Variants in MYT1L observed in about 807,000 individuals in gnomAD.
MYT1L encodes myelin transcription factor 1 like, also known as myelin transcription factor 1-like protein.
A neutral mutation model predicts 126.7 loss-of-function variants in MYT1L; 12 were observed. The observed-to-expected ratio is 0.09, with a 90% CI of 0.06 to 0.15. The LOEUF (loss-of-function observed/expected upper bound fraction) is 0.15. Ranked by LOEUF, MYT1L falls within the 10% of genes least tolerant of loss-of-function variation. The probability of loss-of-function intolerance (pLI) is 1.00; values close to 1 mark genes in which losing one functional copy is unlikely to be tolerated. For synonymous variants in MYT1L, 541 were observed against 604.2 expected, an observed-to-expected ratio of 0.90 and a Z score of 1.53; for missense variants, 979 against 1,585.2, an observed-to-expected ratio of 0.62 and a Z score of 6.49.
intron 9 of MYT1L, among the ~76,000 whole-genome samples, chr2:1,932,096 GTAA>G (rs1356602986): frequency 1.2e-4 from 19 of 152,310 alleles, no homozygotes; most frequent in South Asian, 1.0e-3. Flanking sequence ...ATGGTGTGAG[GTAA>G]TAGCAGCCTT....
rs180776294 is a variant in MYT1L at position 2,049,264 on chromosome 2, A to G, written c.-158+4714T>C. Among the ~76,000 whole-genome samples, 5 of 152,344 alleles carry G rather than the reference A, an allele frequency of 3.3e-5. No homozygotes were observed. In the East Asian group the frequency reaches 9.6e-4, roughly 29 times the overall value. Reference sequence around the variant, plus strand: ...AAACAATTTGATTTGGTAGCAACCTAGCAGTTCCACAAGTTCTCTGTGTGT... The same window carrying G: ...AAACAATTTGATTTGGTAGCAACCTGGCAGTTCCACAAGTTCTCTGTGTGT... On this transcript the variant is annotated intron_variant, in intron 4 of 24. Transcript: ENST00000647738.
At chr2:1,980,130 C>T (rs1371110670) in intron 5 of MYT1L, among the ~76,000 whole-genome samples, 1 of 150,374 alleles carries the variant, frequency 6.7e-6, no homozygotes, top group Non-Finnish European at 1.5e-5. Context: ...AAGAATATAA[C>T]AGCCATTAGG....
intron 21 of MYT1L, among the ~76,000 whole-genome samples, chr2:1,810,422 G>A (rs2036419339): frequency 6.6e-6 from 1 of 152,144 alleles, no homozygotes; most frequent in East Asian, 1.9e-4. Context: ...TTACAGGCAT[G>A]AGCCACCGCA....
At chr2:1,954,472 A>G (rs1165900739) in intron 8 of MYT1L, among the ~76,000 whole-genome samples, 1 of 152,170 alleles carries the variant, frequency 6.6e-6, no homozygotes, top group Non-Finnish European at 1.5e-5. Flanking sequence ...CCAGTGCTCT[A>G]CATCAGGAAG....
At chr2:1,817,689 T>C (rs2037893528) in intron 21 of MYT1L, among the ~76,000 whole-genome samples, 1 of 152,078 alleles carries the variant, frequency 6.6e-6, no homozygotes, top group Admixed American at 6.5e-5. Flanking sequence ...GCGGTGACAG[T>C]GCCATCTAGC....
chr2:2,123,375 C>T (rs2081293501), intron 3 of MYT1L, among the ~76,000 whole-genome samples: 1 of 152,092 alleles, frequency 6.6e-6, no homozygotes, highest in Admixed American at 6.5e-5. Context: ...AGTTAAAGTC[C>T]GCAGATGGGA....
At chr2:2,144,280 C>T (rs1176270224) in intron 3 of MYT1L, among the ~76,000 whole-genome samples, 1 of 152,090 alleles carries the variant, frequency 6.6e-6, no homozygotes, top group Non-Finnish European at 1.5e-5. Context: ...GGCTCCCCAG[C>T]CACCCCCACG....
intron 5 of MYT1L, among the ~76,000 whole-genome samples, chr2:1,995,760 G>T (rs1325782746): frequency 6.6e-6 from 1 of 152,178 alleles, no homozygotes; most frequent in Non-Finnish European, 1.5e-5. Flanking sequence ...CCTGGGCTTG[G>T]TGCTCCTTTA....
chr2:2,160,880 T>C (rs1243709853), intron 3 of MYT1L, among the ~76,000 whole-genome samples: 3 of 152,102 alleles, frequency 2.0e-5, no homozygotes, highest in African/African-American at 4.8e-5. Flanking sequence ...TCAAAACACA[T>C]GTCAGTAAGA....
At chr2:1,870,046 A>G (rs2046081378) in intron 18 of MYT1L, among the ~76,000 whole-genome samples, 1 of 149,566 alleles carries the variant, frequency 6.7e-6, no homozygotes, top group Non-Finnish European at 1.5e-5. Flanking sequence ...TTCAGAGCCG[A>G]GAAGTCGAAC....
At position 1,981,632 on chromosome 2, in the gene MYT1L, G is replaced by A. The variant is rs1324721886; in HGVS notation, c.1-1855C>T. 5.3e-5 allele frequency among the ~76,000 whole-genome samples: 8 copies of A among 152,362 alleles called. No homozygotes were observed. In the East Asian group the frequency reaches 1.5e-3, roughly 29 times the overall value. On this transcript the variant is annotated intron_variant, in intron 5 of 24. Transcript: ENST00000647738. ...GGCCACGTGCAGTGTTGGAAGGGATGTACCGGGAGGCCCCGCTGGTCCAGC... is the reference window on the plus strand; with the variant it reads ...GGCCACGTGCAGTGTTGGAAGGGATATACCGGGAGGCCCCGCTGGTCCAGC...
At chr2:1,923,371 G>A (rs538052825) in intron 9 of MYT1L, 108 bp from the exon 10 acceptor site, 35 of 908,514 alleles carry the variant, frequency 3.9e-5, no homozygotes, top group East Asian at 2.6e-4. Context: ...AAGTCAAACC[G>A]TCTATCATCT....
At chr2:2,146,457 G>A (rs568347356) in intron 3 of MYT1L, among the ~76,000 whole-genome samples, 123 of 152,262 alleles carry the variant, frequency 8.1e-4, no homozygotes, top group African/African-American at 2.8e-3. Flanking sequence ...TGAGGGCTGC[G>A]GAGGATGGAG....
intron 19 of MYT1L, 113 bp from the exon 20 acceptor site, chr2:1,840,956 T>C (rs1462716792): frequency 1.4e-6 from 1 of 706,174 alleles, no homozygotes; most frequent in African/African-American, 1.9e-5. Context: ...CAGGCTGAAG[T>C]GCAGTGGTGT....
intron 23 of MYT1L, 49 bp from the exon 24 acceptor site, chr2:1,792,513 G>T (rs1391554890): frequency 1.9e-6 from 3 of 1,575,970 alleles, no homozygotes; most frequent in Non-Finnish European, 2.6e-6. Context: ...GGACCTAGGA[G>T]CGCGTGGTCG....
chr2:2,207,291 A>G (rs1313504196), intron 2 of MYT1L, among the ~76,000 whole-genome samples: 1 of 152,212 alleles, frequency 6.6e-6, no homozygotes, highest in Non-Finnish European at 1.5e-5. Flanking sequence ...CACTACACAT[A>G]TAAAACACAC....
chr2:2,049,382 A>G (rs62116702), intron 4 of MYT1L, among the ~76,000 whole-genome samples: 1,553 of 152,350 alleles, frequency 0.01, 13 homozygotes, highest in Non-Finnish European at 0.018. Context: ...TAATACCTGC[A>G]TATGGCTTTG....
chr2:1,858,610 C>A (rs1445381392), intron 18 of MYT1L, among the ~76,000 whole-genome samples: 1 of 152,154 alleles, frequency 6.6e-6, no homozygotes, highest in African/African-American at 2.4e-5. Flanking sequence ...GGTCCTGGAA[C>A]CAACCCCCCA....
At chr2:1,990,017 C>T (rs74602569) in intron 5 of MYT1L, among the ~76,000 whole-genome samples, 2,409 of 152,292 alleles carry the variant, frequency 0.016, 49 homozygotes, top group South Asian at 0.092. Flanking sequence ...CAAACAACAA[C>T]AAAAACCACT....
Sources: allele counts gnomAD v4.1 joint callset (sites outside exome capture counted in the v4.1 genomes callset), GRCh38; gene constraint gnomAD v4.1.1; transcripts MANE v1.5; gene names NCBI Gene and HGNC (gene_info 2026-07-23, HGNC 2026-07-21).